The following JAZF1 variants were observed in gnomAD, a reference collection of about 807,000 sequenced individuals.
The protein encoded by JAZF1 is juxtaposed with another zinc finger protein 1.
Under a neutral mutation model 26.4 loss-of-function variants are expected in JAZF1, and 8 were observed. The ratio of observed to expected loss-of-function variants is 0.30; its 90% CI spans 0.18 to 0.55. The LOEUF is 0.55. Ranked by LOEUF, JAZF1 falls within the 20% of genes least tolerant of loss-of-function variation. The probability of loss-of-function intolerance (pLI) is 0.94; values close to 1 mark genes in which losing one functional copy is unlikely to be tolerated. For synonymous variants in JAZF1, 126 were observed against 122.3 expected (o/e 1.03, Z -0.20); for missense variants, 199 against 322.0 (o/e 0.62, Z 2.92).
At position 27,840,970 on chromosome 7, in the gene JAZF1, C is replaced by CTG; in HGVS notation, c.386-105_386-104dup. The CTG allele has an allele frequency of 8.0e-7, 1 of 1,250,586 alleles. No individual in the cohort carries two copies. 77.5% of individuals were successfully genotyped at this position (1,250,586 alleles called of 1,614,324 possible). A position where few individuals can be genotyped will look rare whatever the true frequency, so the allele number is the denominator to read the frequency against. On this transcript the variant is annotated intron_variant, in intron 3 of 4. Coordinates refer to ENST00000283928, the MANE Select transcript of JAZF1 (RefSeq NM_175061.4). This position sits in a 1 kb window ranked among gnomAD's most constrained non-coding sequence, Gnocchi z 5.1. ...GAGATGTGGCCGTGGCAGAGCAGCG[C>CTG]TGACGGCCCAGGGAGAGGGCACTCC...
intron 1 of JAZF1, among the ~76,000 whole-genome samples, chr7:28,173,462 T>G (rs947663674): frequency 1.3e-5 from 2 of 152,218 alleles, no homozygotes; most frequent in African/African-American, 4.8e-5. Flanking sequence ...GTATGTGTAT[T>G]AGACATATAC....
chr7:28,052,256 C>T (rs1485267905), intron 1 of JAZF1, among the ~76,000 whole-genome samples: 1 of 152,162 alleles, frequency 6.6e-6, no homozygotes, highest in East Asian at 1.9e-4. Context: ...CATTTAACCA[C>T]GAGTAGCTGT....
At chr7:28,124,276 A>G (rs1782662905) in intron 1 of JAZF1, among the ~76,000 whole-genome samples, 1 of 152,212 alleles carries the variant, frequency 6.6e-6, no homozygotes, top group Non-Finnish European at 1.5e-5. Flanking sequence ...CAAGCCACAC[A>G]AAGAGGCCTC....
rs116436649 is a variant in JAZF1, at chr7:27,974,427, G to A, written c.188+17482C>T. Among the ~76,000 whole-genome samples the A allele has an allele frequency of 2.3e-3, 348 of 150,136 alleles. 1 individual carries two copies. Among genetic ancestry groups the A allele is most frequent in the African/African-American group, 8.4e-3 (331 of 39,492 alleles). ...TTCAGCACTGAGAGCATCTGCTGAC[G>A]AGGGGATGGGGACTTCCTTAAGGAA... On this transcript the variant is annotated intron_variant, in intron 2 of 4. Coordinates refer to ENST00000283928, the MANE Select transcript of JAZF1 (RefSeq NM_175061.4).
chr7:27,982,500 C>T (rs546295568), intron 2 of JAZF1, among the ~76,000 whole-genome samples: 16 of 152,334 alleles, frequency 1.1e-4, no homozygotes, highest in African/African-American at 3.6e-4. Context: ...GGTCCGCCTG[C>T]CTCTGTAGAC....
At chr7:27,850,996 G>A (rs530215652) in intron 3 of JAZF1, among the ~76,000 whole-genome samples, 1 of 152,096 alleles carries the variant, frequency 6.6e-6, no homozygotes, top group Non-Finnish European at 1.5e-5. Context: ...AGACTGGAGT[G>A]CAATGGCACG....
intron 3 of JAZF1, among the ~76,000 whole-genome samples, chr7:27,891,085 T>C (rs144428620): frequency 0.013 from 2,020 of 152,284 alleles, 52 homozygotes; most frequent in African/African-American, 0.046. Context: ...CGACCGTGCC[T>C]GGCCCATGTT....
At chr7:27,990,087 T>C (rs1370975968) in intron 2 of JAZF1, among the ~76,000 whole-genome samples, 3 of 152,202 alleles carry the variant, frequency 2.0e-5, no homozygotes, top group Non-Finnish European at 4.4e-5. Context: ...ATATACACCA[T>C]GGAATACTAT....
At chr7:27,951,474 C>A (rs940589880) in intron 2 of JAZF1, among the ~76,000 whole-genome samples, 6 of 152,186 alleles carry the variant, frequency 3.9e-5, no homozygotes, top group African/African-American at 1.4e-4. Context: ...GACATCAAAG[C>A]ATAAGCCTTA....
chr7:28,099,251 T>C (rs1778240377), intron 1 of JAZF1, among the ~76,000 whole-genome samples: 1 of 152,240 alleles, frequency 6.6e-6, no homozygotes, highest in South Asian at 2.1e-4. Flanking sequence ...AATTCCAATG[T>C]TCTTTAGCAT....
chr7:27,851,988 T>G (rs1197451875), intron 3 of JAZF1, among the ~76,000 whole-genome samples: 1 of 151,958 alleles, frequency 6.6e-6, no homozygotes, highest in Admixed American at 6.6e-5. Context: ...CCCACACTGA[T>G]GCCTGGGGGT....
At chr7:28,078,682 T>C (rs1784091830) in intron 1 of JAZF1, among the ~76,000 whole-genome samples, 1 of 152,194 alleles carries the variant, frequency 6.6e-6, no homozygotes, top group Non-Finnish European at 1.5e-5. Flanking sequence ...ATCCGGACAC[T>C]ATACTCTGGC....
At chr7:27,903,638 C>T (rs927516399) in intron 2 of JAZF1, among the ~76,000 whole-genome samples, 1 of 152,334 alleles carries the variant, frequency 6.6e-6, no homozygotes, top group Non-Finnish European at 1.5e-5. Context: ...TAAACTCATA[C>T]ACCTCTTCTT....
At chr7:27,844,535 A>G (rs953941220) in intron 3 of JAZF1, 1 of 152,224 alleles carries the variant, frequency 6.6e-6, no homozygotes, top group East Asian at 1.9e-4. Flanking sequence ...CTGCACTTCA[A>G]TTAATAAAAA....
In JAZF1 at chr7:27,832,062, C is replaced by G. The variant is rs996615070; in HGVS notation, c.*738G>C. On this transcript the variant is annotated 3_prime_UTR_variant, in exon 5 of 5. Transcript: ENST00000283928. ...GAATCCCTTGTACCCAGCAGGCACT[C>G]AATCAATGTGTGTTAAATGAATGAA... 1.4e-5 allele frequency: 3 copies of G among 212,022 alleles called. No homozygotes were observed. Among genetic ancestry groups the G allele is most frequent in the Non-Finnish European group, 2.9e-5 (3 of 105,250 alleles). The allele number at this position is 212,022 out of a possible 1,614,324, so 13.1% of individuals were successfully genotyped here.
At position 28,143,120 on chromosome 7, in the gene JAZF1, C is replaced by T. The variant is rs114923874; in HGVS notation, c.115+37343G>A. Among the ~76,000 whole-genome samples the T allele has an allele frequency of 6.6e-3, 998 of 152,226 alleles. 15 individuals carry two copies. The highest frequency in any genetic ancestry group is 0.023 in the African/African-American group (962 of 41,532). On this transcript the variant is annotated intron_variant, in intron 1 of 4. Coordinates refer to ENST00000283928, the MANE Select transcript of JAZF1 (RefSeq NM_175061.4). ...AGGTCCAACCCTCTGGGTCTAGTCT[C>T]ACCTTCCACAACTCTCATCTCCTTC...
intron 1 of JAZF1, among the ~76,000 whole-genome samples, chr7:28,170,337 ATGTGTGTGTG>A (rs61200785): frequency 0.017 from 1,679 of 98,404 alleles, 14 homozygotes; most frequent in African/African-American, 0.04. Context: ...AGAAGTTGAT[ATGTGTGTGTG>A]TGTGTGTGTG....
Position 27,891,784 on chromosome 7 carries a change from G to A in JAZF1, c.385+3436C>T, listed in dbSNP as rs577241977. Among the ~76,000 whole-genome samples the A allele has an allele frequency of 3.9e-5, 6 of 152,300 alleles. No homozygotes were observed. The South Asian group carries it at 1.2e-3, about 32-fold the overall frequency. ...GGAGTTTGAGGCTGCAGTGAGCTAT[G>A]ATAGCATCACTGCACTCCAGCCTAG... is the stretch of plus-strand genomic sequence containing the variant. On this transcript the variant is annotated intron_variant, in intron 3 of 4. Coordinates refer to ENST00000283928, the MANE Select transcript of JAZF1 (RefSeq NM_175061.4).
intron 1 of JAZF1, among the ~76,000 whole-genome samples, chr7:28,108,145 TACCC>T (rs1433867122): frequency 3.3e-5 from 5 of 152,218 alleles, no homozygotes; most frequent in African/African-American, 1.2e-4. Context: ...ATCTTTATTG[TACCC>T]ACTGAGTCAC....
Sources: allele counts gnomAD v4.1 joint callset (sites outside exome capture counted in the v4.1 genomes callset), GRCh38; gene constraint gnomAD v4.1.1; non-coding constraint Gnocchi (gnomAD v3.1); transcripts MANE v1.5; gene names NCBI Gene and HGNC (gene_info 2026-07-23, HGNC 2026-07-21).